SMURF1: variants seen among roughly 807,000 people sequenced by gnomAD.
The protein encoded by SMURF1 is E3 ubiquitin-protein ligase SMURF1.
SMURF1 carries 44 observed loss-of-function variants against 98.0 expected under a neutral mutation model. That is an observed-to-expected ratio of 0.45 (90% CI 0.35 to 0.58). SMURF1 has a LOEUF of 0.58. SMURF1 is among the 20% of genes least tolerant of loss of function. The pLI is 0.00. For synonymous variants in SMURF1, 396 were observed against 374.9 expected, an observed-to-expected ratio of 1.06 and a Z score of -0.65; for missense variants, 687 against 938.4, an observed-to-expected ratio of 0.73 and a Z score of 3.50.
chr7:99,055,336 C>T (rs915689102), intron 5 of SMURF1, among the ~76,000 whole-genome samples: 1 of 151,706 alleles, frequency 6.6e-6, no homozygotes, highest in East Asian at 1.9e-4. Context: ...GGCATGGTGG[C>T]ACACACTTGT....
intron 1 of SMURF1, among the ~76,000 whole-genome samples, chr7:99,066,248 T>C (rs944810329): frequency 3.3e-5 from 5 of 152,136 alleles, no homozygotes; most frequent in Non-Finnish European, 7.3e-5. Context: ...ACTCTAGCCT[T>C]ATGAGCCTCC....
intron 1 of SMURF1, among the ~76,000 whole-genome samples, chr7:99,066,595 T>C (rs1488864462): frequency 1.3e-5 from 2 of 151,966 alleles, no homozygotes; most frequent in East Asian, 3.9e-4. Flanking sequence ...CTGGGCAACA[T>C]GGCAAGATCC....
chr7:99,097,970 G>A (rs1796992493), intron 1 of SMURF1, among the ~76,000 whole-genome samples: 1 of 152,076 alleles, frequency 6.6e-6, no homozygotes, highest in South Asian at 2.1e-4. Flanking sequence ...AGCAAAAATA[G>A]CTTTTAAGAA....
intron 1 of SMURF1, among the ~76,000 whole-genome samples, chr7:99,107,932 C>T (rs532415389): frequency 2.0e-5 from 3 of 152,284 alleles, no homozygotes; most frequent in South Asian, 4.1e-4. Flanking sequence ...GTATCCCAAA[C>T]GTGTGAAAAG....
intron 1 of SMURF1, among the ~76,000 whole-genome samples, chr7:99,127,425 C>A (rs1424547014): frequency 6.6e-6 from 1 of 152,086 alleles, no homozygotes; most frequent in African/African-American, 2.4e-5. Flanking sequence ...GGCCTGGTGG[C>A]TCACGGCTGT....
At chr7:99,040,866 C>T (rs781633896) in intron 12 of SMURF1, among the ~76,000 whole-genome samples, 1 of 152,150 alleles carries the variant, frequency 6.6e-6, no homozygotes, top group Non-Finnish European at 1.5e-5. Flanking sequence ...AACAGAGAAT[C>T]GAACCAAGCC....
intron 13 of SMURF1, among the ~76,000 whole-genome samples, chr7:99,039,770 C>CCCT (rs1318289916): frequency 6.6e-6 from 1 of 152,186 alleles, no homozygotes; most frequent in Non-Finnish European, 1.5e-5. Flanking sequence ...CACCCACATT[C>CCCT]CCTCCATCTG....
intron 1 of SMURF1, among the ~76,000 whole-genome samples, chr7:99,084,860 G>A (rs1383507372): frequency 6.6e-6 from 1 of 152,200 alleles, no homozygotes; most frequent in Non-Finnish European, 1.5e-5. Context: ...TAGGCCTGGT[G>A]AGAGGTGATT....
intron 11 of SMURF1, among the ~76,000 whole-genome samples, chr7:99,043,438 G>A (rs889362218): frequency 1.3e-5 from 2 of 152,124 alleles, no homozygotes; most frequent in African/African-American, 4.8e-5. Flanking sequence ...ACTGGAGGTG[G>A]CAGAGCAGAG....
At position 99,049,713 on chromosome 7, in the gene SMURF1, C is replaced by T; in HGVS notation, c.807-4G>A. 1 of 1,611,714 alleles carries T rather than the reference C, an allele frequency of 6.2e-7. No individual in the cohort carries two copies. The highest frequency in any genetic ancestry group is 8.5e-7 in the Non-Finnish European group (1 of 1,179,406). On this transcript the variant is annotated splice_polypyrimidine_tract_variant and splice_region_variant and intron_variant, in intron 8 of 17. Transcript: ENST00000361368. ...ACAGTTCACACTGTTAAGGTCTCTA[C>T]CAAAATGGAAGATACAGAGAGGTTT...
At chr7:99,142,109 C>CG (rs199581830) in intron 1 of SMURF1, among the ~76,000 whole-genome samples, 2 of 152,104 alleles carry the variant, frequency 1.3e-5, no homozygotes, top group Non-Finnish European at 2.9e-5. Flanking sequence ...CTCTGGAGCC[C>CG]GGGGGGAAAC....
intron 1 of SMURF1, among the ~76,000 whole-genome samples, chr7:99,074,989 C>T (rs990861328): frequency 6.6e-6 from 1 of 152,110 alleles, no homozygotes; most frequent in Non-Finnish European, 1.5e-5. Flanking sequence ...CACATGAAAA[C>T]CACAGTAAGG....
intron 1 of SMURF1, among the ~76,000 whole-genome samples, chr7:99,110,642 A>C (rs1392095198): frequency 6.6e-6 from 1 of 152,234 alleles, no homozygotes; most frequent in Non-Finnish European, 1.5e-5. Context: ...ATGTTACAAC[A>C]CCTACGTAGG....
At chr7:99,142,218 A>C (rs1798136268) in intron 1 of SMURF1, among the ~76,000 whole-genome samples, 1 of 152,170 alleles carries the variant, frequency 6.6e-6, no homozygotes, top group Non-Finnish European at 1.5e-5. Context: ...GGAAACACGG[A>C]CTTTTCATTG....
At chr7:99,078,942 G>A (rs568457848) in intron 1 of SMURF1, among the ~76,000 whole-genome samples, 7 of 152,306 alleles carry the variant, frequency 4.6e-5, no homozygotes, top group Admixed American at 1.3e-4. Context: ...CCCTGTCCAC[G>A]GAAAAATTGT....
intron 5 of SMURF1, among the ~76,000 whole-genome samples, chr7:99,056,361 T>C (rs1368068479): frequency 6.6e-6 from 1 of 152,104 alleles, no homozygotes; most frequent in African/African-American, 2.4e-5. Flanking sequence ...AGTGGGTGGA[T>C]AATAGGATGA....
At chr7:99,131,331 T>C (rs1014947422) in intron 1 of SMURF1, among the ~76,000 whole-genome samples, 6 of 152,040 alleles carry the variant, frequency 3.9e-5, no homozygotes, top group African/African-American at 1.4e-4. Flanking sequence ...AATCAATGAA[T>C]ACCCTCCTCA....
At chr7:99,117,092 G>A (rs1797474247) in intron 1 of SMURF1, among the ~76,000 whole-genome samples, 1 of 144,424 alleles carries the variant, frequency 6.9e-6, no homozygotes, top group Non-Finnish European at 1.5e-5. Context: ...ACCATTCAAT[G>A]GGGGAAAAGT....
At chr7:99,052,982 A>G (rs1217613750) in intron 6 of SMURF1, among the ~76,000 whole-genome samples, 2 of 152,152 alleles carry the variant, frequency 1.3e-5, no homozygotes, top group East Asian at 3.9e-4. Flanking sequence ...GCTTGAACCC[A>G]GGAGGCAGAG....
Sources: allele counts gnomAD v4.1 joint callset (sites outside exome capture counted in the v4.1 genomes callset), GRCh38; gene constraint gnomAD v4.1.1; transcripts MANE v1.5; gene names NCBI Gene and HGNC (gene_info 2026-07-23, HGNC 2026-07-21).